DOK5: variants seen among roughly 807,000 people sequenced by gnomAD.
DOK5 encodes docking protein 5.
Under a neutral mutation model 43.3 loss-of-function variants are expected in DOK5, and 27 were observed. The observed-to-expected ratio is 0.62, with a 90% CI of 0.46 to 0.86. DOK5 has a LOEUF of 0.86. Ranked by LOEUF, DOK5 falls within the 40% of genes least tolerant of loss-of-function variation. DOK5 has a pLI of 0.00. For synonymous variants in DOK5, 146 were observed against 140.1 expected, an observed-to-expected ratio of 1.04 and a Z score of -0.30; for missense variants, 373 against 392.9, an observed-to-expected ratio of 0.95 and a Z score of 0.43.
chr20:54,541,799 G>A (rs994595282), intron 1 of DOK5, among the ~76,000 whole-genome samples: 4 of 152,060 alleles, frequency 2.6e-5, no homozygotes, highest in Admixed American at 2.0e-4. Flanking sequence ...CACCACCACT[G>A]CCAGCCCTGA....
At chr20:54,580,802 C>G (rs1985614895) in intron 2 of DOK5, among the ~76,000 whole-genome samples, 1 of 151,964 alleles carries the variant, frequency 6.6e-6, no homozygotes, top group African/African-American at 2.4e-5. Flanking sequence ...ATATGGTTTG[C>G]AGATATTTTT....
intron 1 of DOK5, among the ~76,000 whole-genome samples, chr20:54,482,044 T>C (rs181659478): frequency 2.0e-5 from 3 of 152,348 alleles, no homozygotes; most frequent in Admixed American, 2.0e-4. Context: ...ACTTGTTTTT[T>C]AGTTAGGAAA....
intron 1 of DOK5, among the ~76,000 whole-genome samples, chr20:54,500,103 G>C (rs951006418): frequency 6.6e-6 from 1 of 152,170 alleles, no homozygotes; most frequent in Non-Finnish European, 1.5e-5. Context: ...TCAAGAAGTT[G>C]CTAAATGAAA....
rs114707096 is a variant in DOK5 at position 54,567,951 on chromosome 20, T to A, written c.174+12911T>A. On this transcript the variant is annotated intron_variant, in intron 2 of 7. Coordinates refer to ENST00000262593, the MANE Select transcript of DOK5 (RefSeq NM_018431.5). The stretch of plus-strand genomic sequence containing the variant: ...AATTTGTATTAAATTTTAAGGTTTT[T>A]AAAATTGAGTATCTAATTTGTATAA... Among the ~76,000 whole-genome samples, 822 of 152,342 alleles carry A rather than the reference T, an allele frequency of 5.4e-3. 9 individuals are homozygous for A. Among genetic ancestry groups the A allele is most frequent in the African/African-American group, 0.019 (778 of 41,578 alleles).
At chr20:54,578,311 A>T (rs1433605070) in intron 2 of DOK5, among the ~76,000 whole-genome samples, 1 of 152,166 alleles carries the variant, frequency 6.6e-6, no homozygotes, top group African/African-American at 2.4e-5. Flanking sequence ...CAAAGGTCCT[A>T]ATACTGACAT....
chr20:54,643,622 G>A (rs1393378913), intron 7 of DOK5, 44 bp downstream of exon 7: 2 of 1,581,486 alleles, frequency 1.3e-6, no homozygotes. Flanking sequence ...GCCAGGCCTG[G>A]GAGTACTGGG....
intron 1 of DOK5, among the ~76,000 whole-genome samples, chr20:54,520,850 C>T (rs528082807): frequency 7.5e-6 from 1 of 133,940 alleles, no homozygotes; most frequent in Non-Finnish European, 1.8e-5. Flanking sequence ...TAATAAAATA[C>T]AGAGTCCTTC....
intron 2 of DOK5, among the ~76,000 whole-genome samples, chr20:54,557,955 G>A (rs948634286): frequency 1.3e-5 from 2 of 152,214 alleles, no homozygotes; most frequent in African/African-American, 4.8e-5. Context: ...GGGGATGGGA[G>A]ACATGATTCA....
chr20:54,539,157 G>A (rs1984054186), intron 1 of DOK5, among the ~76,000 whole-genome samples: 1 of 151,864 alleles, frequency 6.6e-6, no homozygotes, highest in Admixed American at 6.6e-5. Flanking sequence ...AGGTGTGGCA[G>A]CCTGCGCCTG....
chr20:54,581,935 A>T (rs1343757776), intron 2 of DOK5, among the ~76,000 whole-genome samples: 1 of 152,008 alleles, frequency 6.6e-6, no homozygotes, highest in East Asian at 1.9e-4. Flanking sequence ...CTTGTTGAAT[A>T]AATGTGGTGA....
At chr20:54,478,760 G>A (rs929132133) in intron 1 of DOK5, among the ~76,000 whole-genome samples, 2 of 152,284 alleles carry the variant, frequency 1.3e-5, no homozygotes, top group African/African-American at 4.8e-5. Context: ...ACTATTTAAT[G>A]TTCTTGGGAG....
intron 1 of DOK5, among the ~76,000 whole-genome samples, chr20:54,518,413 T>C (rs1600675983): frequency 1.3e-5 from 2 of 152,078 alleles, no homozygotes; most frequent in Non-Finnish European, 2.9e-5. Context: ...CTGAGAATGA[T>C]GGTTTCCAGC....
chr20:54,506,102 A>G (rs1394269855), intron 1 of DOK5, among the ~76,000 whole-genome samples: 1 of 152,218 alleles, frequency 6.6e-6, no homozygotes, highest in Admixed American at 6.5e-5. Flanking sequence ...GGTGAGAAGC[A>G]GCCCAGCTCT....
Position 54,591,624 on chromosome 20 carries a change from A to G in DOK5, c.418A>G (p.Asn140Asp), listed in dbSNP as rs772537532. Residue 140 changes from asparagine (N) to aspartate (D), a missense_variant, in exon 5 of 8, where the codon AAT becomes GAT. Asn to Asp is a conservative substitution (Grantham distance 23, BLOSUM62 1). Transcript: ENST00000262593. ...GVEREQSERF[N>D]VYLMPSPNLD... ...TTTTGTTTTTCTCCCAGAGAGATTCAATGTGTATTTGATGCCATCTCCTAA... is the reference window on the plus strand; with the variant it reads ...TTTTGTTTTTCTCCCAGAGAGATTCGATGTGTATTTGATGCCATCTCCTAA... 6.2e-7 allele frequency: 1 copy of G among 1,600,566 alleles called. No individual in the cohort carries two copies. The highest frequency in any genetic ancestry group is 8.5e-7 in the Non-Finnish European group (1 of 1,173,554).
chr20:54,496,571 T>G (rs1002356345), intron 1 of DOK5, among the ~76,000 whole-genome samples: 10 of 151,768 alleles, frequency 6.6e-5, no homozygotes, highest in African/African-American at 1.2e-4. Context: ...ATCGAGACCA[T>G]CCTGGCCAAC....
Position 54,588,803 on chromosome 20 carries a change from A to T in DOK5, c.406A>T (p.Ser136Cys). Residue 136 changes from serine to cysteine, a missense_variant, in exon 4 of 8, where the codon AGT (serine) becomes TGT (cysteine). By Grantham distance (112) the Ser-to-Cys change is moderately radical. Coordinates refer to ENST00000262593, the MANE Select transcript of DOK5 (RefSeq NM_018431.5). ...LLATGVEREQ[S>C]ERFNVYLMPS... ...GGCCACTGGGGTTGAGAGAGAACAG[A>T]GTGGTATGTAAAGAAAATTCTCTCC... is the stretch of plus-strand genomic sequence containing the variant. 1 of 1,613,762 alleles carries T rather than the reference A, an allele frequency of 6.2e-7. No homozygotes were observed.
At chr20:54,531,559 A>C (rs532825171) in intron 1 of DOK5, among the ~76,000 whole-genome samples, 1 of 152,334 alleles carries the variant, frequency 6.6e-6, no homozygotes, top group South Asian at 2.1e-4. Flanking sequence ...GGAAGATAGA[A>C]GTTGAGTCTC....
intron 5 of DOK5, among the ~76,000 whole-genome samples, chr20:54,592,763 G>T (rs1480270436): frequency 2.6e-5 from 4 of 152,020 alleles, no homozygotes; most frequent in Admixed American, 2.6e-4. Flanking sequence ...GGATGGTCTC[G>T]ATCTCCTGAC....
In DOK5 at chr20:54,505,248, C is replaced by T. The variant is rs184738047; in HGVS notation, c.66+29236C>T. Among the ~76,000 whole-genome samples the T allele has an allele frequency of 2.1e-3, 314 of 152,180 alleles. 2 individuals are homozygous for T. The highest frequency in any genetic ancestry group is 0.01 in the Middle Eastern group (3 of 294). ...ATGATCCAAAGGCCAAAATGCCCCT[C>T]TCTCCTGCTTGTTTTTGCAAATAAA... On this transcript the variant is annotated intron_variant, in intron 1 of 7. Transcript: ENST00000262593.
Sources: gnomAD v4.1 joint callset for allele counts (sites outside exome capture counted in the v4.1 genomes callset) on GRCh38, gnomAD v4.1.1 for gene constraint, MANE v1.5 for transcripts, NCBI Gene and HGNC (gene_info 2026-07-23, HGNC 2026-07-21) for gene names.